The following CHRDL2 variants were observed in gnomAD, a reference collection of about 807,000 sequenced individuals.
The protein encoded by CHRDL2 is chordin like 2.
In CHRDL2, 41 loss-of-function variants were observed where a neutral mutation model predicts 54.3. The observed-to-expected ratio is 0.76, with a 90% CI of 0.59 to 0.98. The LOEUF is 0.98. Ranked by LOEUF, CHRDL2 falls within the 50% of genes least tolerant of loss-of-function variation. The pLI, the probability that CHRDL2 is intolerant of heterozygous loss-of-function variation, is 0.00. For synonymous variants in CHRDL2, 220 were observed against 224.3 expected (o/e 0.98, Z 0.17); for missense variants, 518 against 562.4 (o/e 0.92, Z 0.80).
rs542558202 is a variant in CHRDL2 at position 74,726,457 on chromosome 11, G to A, written c.82+4350C>T. Among the ~76,000 whole-genome samples the A allele has an allele frequency of 4.6e-5, 7 of 152,298 alleles. No homozygotes were observed. The South Asian group carries it at 6.2e-4, about 14-fold the overall frequency. ...AATTTGTAAACAGAAGGCTTCTGGC[G>A]AGACACAAAAAAGAACTCCTGAGTA... On this transcript the variant is annotated intron_variant, in intron 1 of 10. Transcript: ENST00000376332.
chr11:74,715,323 A>G (rs7941425), intron 2 of CHRDL2, among the ~76,000 whole-genome samples: 114,029 of 152,134 alleles, frequency 0.75, 42,835 homozygotes, highest in East Asian at 0.82. Flanking sequence ...GTAAGCAAGG[A>G]CCACGCACAG....
intron 10 of CHRDL2, 74 bp from the exon 11 acceptor site, chr11:74,696,659 T>G (rs1278914810): frequency 8.6e-7 from 1 of 1,167,274 alleles, no homozygotes; most frequent in African/African-American, 1.5e-5. Context: ...CAGCTGGGGG[T>G]TGGAAAAGCC....
chr11:74,725,413 C>G (rs1045136033), intron 1 of CHRDL2, among the ~76,000 whole-genome samples: 1 of 152,226 alleles, frequency 6.6e-6, no homozygotes, highest in African/African-American at 2.4e-5. Flanking sequence ...CACTTTCCAG[C>G]TCCCTGCCAT....
chr11:74,714,365 G>T (rs2034284188), intron 2 of CHRDL2, among the ~76,000 whole-genome samples: 1 of 152,166 alleles, frequency 6.6e-6, no homozygotes, highest in Non-Finnish European at 1.5e-5. Flanking sequence ...GGGGTTGATG[G>T]TCCTCTCCTA....
Position 74,728,532 on chromosome 11 carries a change from TTG to T in CHRDL2, c.82+2273_82+2274del, listed in dbSNP as rs1482742014. Among the ~76,000 whole-genome samples the T allele has an allele frequency of 4.7e-4, 31 of 65,870 alleles. No homozygotes were observed. In the South Asian group the frequency reaches 4.8e-3, roughly 10 times the overall value. The allele number at this position is 65,870 out of a possible 152,430, so 43.2% of individuals were successfully genotyped here. On this transcript the variant is annotated intron_variant, in intron 1 of 10. Coordinates refer to ENST00000376332, the MANE Select transcript of CHRDL2 (RefSeq NM_001278473.3). ...GGACCCAGGTCTGTTCTGTTTTTTGTTGTTGTTGTTGTTGTTGTTTTTTAAGA... is the reference window on the plus strand; with the variant it reads ...GGACCCAGGTCTGTTCTGTTTTTTGTTTGTTGTTGTTGTTGTTTTTTAAGA...
At chr11:74,730,438 A>G (rs2034633845) in intron 1 of CHRDL2, among the ~76,000 whole-genome samples, 1 of 152,190 alleles carries the variant, frequency 6.6e-6, no homozygotes, top group Admixed American at 6.5e-5. Context: ...TTTCTGTCCA[A>G]TGGCTCTTTC....
intron 1 of CHRDL2, among the ~76,000 whole-genome samples, chr11:74,721,553 G>T (rs1206918749): frequency 2.0e-5 from 3 of 152,232 alleles, no homozygotes; most frequent in Non-Finnish European, 4.4e-5. Context: ...CACAAGGAAG[G>T]GTGGCATGGC....
rs116340198 is a variant in CHRDL2 at position 74,704,186 on chromosome 11, C to T, written c.751+300G>A. On this transcript the variant is annotated intron_variant, in intron 7 of 10. Transcript: ENST00000376332. ...TTTCCCATCTATCTGTTCTGTCTGC[C>T]CCTCTTCCCAGCAAAGACTCGGTAG... Among the ~76,000 whole-genome samples, 1,046 of 152,268 alleles carry T rather than the reference C, an allele frequency of 6.9e-3. 15 individuals are homozygous for T. The highest frequency in any genetic ancestry group is 0.024 in the African/African-American group (993 of 41,538).
At chr11:74,729,118 T>C (rs1410708389) in intron 1 of CHRDL2, among the ~76,000 whole-genome samples, 1 of 152,228 alleles carries the variant, frequency 6.6e-6, no homozygotes, top group Non-Finnish European at 1.5e-5. Flanking sequence ...GATAACAGTC[T>C]GGTTCTAGGA....
At chr11:74,700,236 T>C (rs934176306) in intron 9 of CHRDL2, among the ~76,000 whole-genome samples, 2 of 152,230 alleles carry the variant, frequency 1.3e-5, no homozygotes, top group Non-Finnish European at 1.5e-5. Flanking sequence ...TGAGATACAT[T>C]ATACATAGTG....
rs1294243219 is a variant in CHRDL2 at position 74,704,599 on chromosome 11, G to A, written c.638C>T (p.Thr213Ile). Residue 213 changes from threonine to isoleucine, a missense_variant, in exon 7 of 11, where the codon ACC (threonine) becomes ATC (isoleucine). Coordinates refer to ENST00000376332, the MANE Select transcript of CHRDL2 (RefSeq NM_001278473.3). ...GGCGCTGAGGCCAGTGGGGGCTGGGGTGCCCGGGCCTCTCTTTCTCCCAGC... is the reference window on the plus strand; with the variant it reads ...GGCGCTGAGGCCAGTGGGGGCTGGGATGCCCGGGCCTCTCTTTCTCCCAGC... Reference protein sequence around the residue: ...SDAGRKRGPGTPAPTGLSAPL... With the variant: ...SDAGRKRGPGIPAPTGLSAPL... The A allele has an allele frequency of 6.2e-7, 1 of 1,601,078 alleles. No homozygotes were observed. Among genetic ancestry groups the A allele is most frequent in the Admixed American group, 1.7e-5 (1 of 57,718 alleles).
intron 2 of CHRDL2, among the ~76,000 whole-genome samples, chr11:74,717,238 G>A (rs564204539): frequency 1.7e-3 from 263 of 152,290 alleles, no homozygotes; most frequent in Non-Finnish European, 3.1e-3. Context: ...GGATTAGGGG[G>A]AGCAGTGATG....
At chr11:74,713,522 G>A (rs370805897) in intron 2 of CHRDL2, 43 bp from the exon 3 acceptor site, 91 of 1,496,658 alleles carry the variant, frequency 6.1e-5, no homozygotes, top group South Asian at 1.9e-4. Context: ...AAGAACCATC[G>A]TCTTCCACCT....
rs146943387 is a variant in CHRDL2 at position 74,702,429 on chromosome 11, C to T, written c.1120+365G>A. On this transcript the variant is annotated intron_variant, in intron 9 of 10. Transcript: ENST00000376332. The stretch of plus-strand genomic sequence containing the variant: ...TGAACACAGCCAGCCTCCAGGCCCT[C>T]CTACTCTGAGGATGCTGTGAGGGCC... Among the ~76,000 whole-genome samples, 577 of 152,282 alleles carry T rather than the reference C, an allele frequency of 3.8e-3. 7 individuals carry two copies. The highest frequency in any genetic ancestry group is 0.014 in the African/African-American group (566 of 41,546).
intron 4 of CHRDL2, among the ~76,000 whole-genome samples, chr11:74,709,111 C>T (rs557424078): frequency 1.3e-5 from 2 of 152,314 alleles, no homozygotes; most frequent in Admixed American, 6.5e-5. Context: ...GTGAGTGTTC[C>T]GGTCCCTCGG....
intron 1 of CHRDL2, among the ~76,000 whole-genome samples, chr11:74,728,063 G>C (rs2034598056): frequency 6.6e-6 from 1 of 152,146 alleles, no homozygotes; most frequent in African/African-American, 2.4e-5. Context: ...TGGAGGACTA[G>C]GGCTTGGCTT....
At chr11:74,725,784 G>T (rs2034563533) in intron 1 of CHRDL2, among the ~76,000 whole-genome samples, 1 of 152,178 alleles carries the variant, frequency 6.6e-6, no homozygotes, top group African/African-American at 2.4e-5. Flanking sequence ...AATTGTGGCT[G>T]GCCTGTCCCC....
rs183899333 is a variant in CHRDL2, at chr11:74,715,460, C to T, written c.196-1981G>A. Among the ~76,000 whole-genome samples the T allele has an allele frequency of 5.3e-3, 799 of 151,620 alleles. 3 individuals carry two copies. The highest frequency in any genetic ancestry group is 7.9e-3 in the Non-Finnish European group (537 of 67,902). On this transcript the variant is annotated intron_variant, in intron 2 of 10. Coordinates refer to ENST00000376332, the MANE Select transcript of CHRDL2 (RefSeq NM_001278473.3). ...CTCTACTAAAAATACAAAAATTAGC[C>T]GGGCAGTAGTGGTGTGCCTGTAATC... is the stretch of plus-strand genomic sequence containing the variant.
chr11:74,727,431 G>T (rs2034589531), intron 1 of CHRDL2, among the ~76,000 whole-genome samples: 1 of 152,152 alleles, frequency 6.6e-6, no homozygotes, highest in Admixed American at 6.5e-5. Flanking sequence ...TCTCAGCAGG[G>T]TCTCACTGTG....
Sources: allele counts gnomAD v4.1 joint callset (sites outside exome capture counted in the v4.1 genomes callset), GRCh38; gene constraint gnomAD v4.1.1; transcripts MANE v1.5; gene names NCBI Gene and HGNC (gene_info 2026-07-23, HGNC 2026-07-21).